The following KIAA1217 variants were observed in gnomAD, a reference collection of about 807,000 sequenced individuals.
The protein encoded by KIAA1217 is KIAA1217, also known as sickle tail protein homolog.
Under a neutral mutation model 163.9 loss-of-function variants are expected in KIAA1217, and 88 were observed. The ratio of observed to expected loss-of-function variants is 0.54; its 90% CI spans 0.45 to 0.64. KIAA1217 has a LOEUF of 0.64. Ranked by LOEUF, KIAA1217 falls within the 30% of genes least tolerant of loss-of-function variation. The pLI is 0.00. For missense variants in KIAA1217, 2,372 were observed against 2,475.0 expected (o/e 0.96, Z 0.88); for synonymous variants, 903 against 923.1 (o/e 0.98, Z 0.39).
chr10:24,502,166 G>T (rs976935015), intron 9 of KIAA1217, among the ~76,000 whole-genome samples: 6 of 151,704 alleles, frequency 4.0e-5, no homozygotes, highest in Admixed American at 2.6e-4. Flanking sequence ...AGCCAGTGAA[G>T]GCTGACTTCT....
intron 1 of KIAA1217, among the ~76,000 whole-genome samples, chr10:23,977,271 T>C (rs1391287929): frequency 6.6e-6 from 1 of 152,220 alleles, no homozygotes; most frequent in African/African-American, 2.4e-5. Flanking sequence ...ATGCTTAGTT[T>C]CTTAGAATGT....
intron 2 of KIAA1217, among the ~76,000 whole-genome samples, chr10:24,379,652 G>A (rs952237233): frequency 6.6e-6 from 1 of 152,130 alleles, no homozygotes; most frequent in Non-Finnish European, 1.5e-5. Flanking sequence ...TTCTCAAAGG[G>A]TACTGCTAGA....
chr10:24,009,678 C>T (rs114367456), intron 2 of KIAA1217, among the ~76,000 whole-genome samples: 1,584 of 152,230 alleles, frequency 0.01, 15 homozygotes, highest in South Asian at 0.039. Context: ...AGTTGAAATG[C>T]TTAGCTCAAG....
intron 1 of KIAA1217, among the ~76,000 whole-genome samples, chr10:23,918,733 T>TATATATATACACACACAC (rs769797460): frequency 2.0e-5 from 3 of 147,478 alleles, no homozygotes; most frequent in African/African-American, 7.5e-5. Flanking sequence ...ATTAAATATA[T>TATATATATACACACACAC]ACACACACAC....
chr10:24,410,339 A>G (rs1261784588), intron 3 of KIAA1217, among the ~76,000 whole-genome samples: 2 of 152,134 alleles, frequency 1.3e-5, no homozygotes, highest in African/African-American at 4.8e-5. Context: ...ATGGGCATTT[A>G]TGTAATTTAT....
chr10:24,300,153 A>G (rs2041133250), intron 2 of KIAA1217, among the ~76,000 whole-genome samples: 1 of 152,238 alleles, frequency 6.6e-6, no homozygotes, highest in South Asian at 2.1e-4. Flanking sequence ...AGAGACTCCT[A>G]GAGAAATGTT....
At chr10:24,118,306 A>G (rs955578021) in intron 2 of KIAA1217, among the ~76,000 whole-genome samples, 1 of 152,112 alleles carries the variant, frequency 6.6e-6, no homozygotes, top group Non-Finnish European at 1.5e-5. Flanking sequence ...CGCCTCCGCC[A>G]CTTGCTTTCG....
At chr10:23,696,209 T>A (rs1053586659) in intron 1 of KIAA1217, among the ~76,000 whole-genome samples, 3 of 152,210 alleles carry the variant, frequency 2.0e-5, no homozygotes, top group Non-Finnish European at 4.4e-5. Flanking sequence ...GGGAAAAAAG[T>A]TCTTGGAATC....
At chr10:24,187,468 A>G (rs1417228097) in intron 2 of KIAA1217, among the ~76,000 whole-genome samples, 1 of 152,064 alleles carries the variant, frequency 6.6e-6, no homozygotes, top group Non-Finnish European at 1.5e-5. Flanking sequence ...ATTCATTTCC[A>G]CTTGGTTATA....
intron 2 of KIAA1217, among the ~76,000 whole-genome samples, chr10:24,041,602 G>T (rs1564629840): frequency 6.6e-6 from 1 of 152,014 alleles, no homozygotes; most frequent in Non-Finnish European, 1.5e-5. Context: ...CAGTTAGTCG[G>T]TACCCTATGG....
intron 1 of KIAA1217, among the ~76,000 whole-genome samples, chr10:24,217,688 C>G (rs118176317): frequency 0.013 from 2,002 of 152,266 alleles, 32 homozygotes; most frequent in Non-Finnish European, 0.016. Flanking sequence ...ACTCTTAACA[C>G]CTGTTGCTTT....
chr10:23,700,313 C>A (rs1361188865), intron 1 of KIAA1217, among the ~76,000 whole-genome samples: 1 of 152,120 alleles, frequency 6.6e-6, no homozygotes, highest in African/African-American at 2.4e-5. Flanking sequence ...CCCTTCCTGG[C>A]AGCCGAGACC....
intron 5 of KIAA1217, among the ~76,000 whole-genome samples, chr10:24,470,212 C>T (rs1244486987): frequency 6.6e-6 from 1 of 152,172 alleles, no homozygotes; most frequent in Non-Finnish European, 1.5e-5. Flanking sequence ...TTTTATTGAG[C>T]CCTGAATTGT....
At chr10:24,019,039 G>A (rs1197670059) in intron 2 of KIAA1217, among the ~76,000 whole-genome samples, 5 of 152,034 alleles carry the variant, frequency 3.3e-5, no homozygotes, top group Non-Finnish European at 7.4e-5. Context: ...GGCTACCAGG[G>A]GCAGGGGTTG....
chr10:24,432,865 A>T lies in KIAA1217; in HGVS notation c.554-130A>T, dbSNP rs76767649. 4.8e-4 allele frequency: 318 copies of T among 657,352 alleles called. No individual in the cohort carries two copies. In the East Asian group the frequency reaches 8.0e-3, roughly 17 times the overall value. The allele number at this position is 657,352 out of a possible 1,614,324, so 40.7% of individuals were successfully genotyped here. A position where few individuals can be genotyped will look rare whatever the true frequency, so the allele number is the denominator to read the frequency against. ...CATTCCTTGGAAATTCCAAACCTAG[A>T]TCTCTTGTTACATGCTTGCCAAGCT... On this transcript the variant is annotated intron_variant, in intron 3 of 20. Transcript: ENST00000376454.
chr10:23,913,870 T>C (rs1842537190), intron 1 of KIAA1217, among the ~76,000 whole-genome samples: 1 of 152,196 alleles, frequency 6.6e-6, no homozygotes, highest in African/African-American at 2.4e-5. Flanking sequence ...CTTCTCCTTC[T>C]ACCTGTTGTC....
chr10:24,437,331 A>G (rs1416595997), intron 4 of KIAA1217, among the ~76,000 whole-genome samples: 1 of 152,238 alleles, frequency 6.6e-6, no homozygotes, highest in Non-Finnish European at 1.5e-5. Context: ...AGCTTGGGCT[A>G]GTCATTGCTT....
At chr10:24,115,768 C>T (rs1306853292) in intron 2 of KIAA1217, among the ~76,000 whole-genome samples, 1 of 152,180 alleles carries the variant, frequency 6.6e-6, no homozygotes, top group South Asian at 2.1e-4. Flanking sequence ...GGATGGCCAA[C>T]CATCTGGATT....
chr10:24,095,911 G>A (rs1201022108), intron 2 of KIAA1217, among the ~76,000 whole-genome samples: 1 of 152,134 alleles, frequency 6.6e-6, no homozygotes, highest in Non-Finnish European at 1.5e-5. Flanking sequence ...TTTGAGGCCA[G>A]GCTGAAAAAC....
Sources: allele counts gnomAD v4.1 joint callset (sites outside exome capture counted in the v4.1 genomes callset), GRCh38; gene constraint gnomAD v4.1.1; transcripts MANE v1.5; gene names NCBI Gene and HGNC (gene_info 2026-07-23, HGNC 2026-07-21).